The following ZBTB8A variants were observed in gnomAD, a reference collection of about 807,000 sequenced individuals.
ZBTB8A encodes the protein zinc finger and BTB domain-containing protein 8A.
Under a neutral mutation model 37.8 loss-of-function variants are expected in ZBTB8A, and 19 were observed. That is an observed-to-expected ratio of 0.50 (90% CI 0.35 to 0.74). The LOEUF is 0.74. ZBTB8A is among the 30% of genes least tolerant of loss of function. ZBTB8A has a pLI of 0.01. For missense variants in ZBTB8A, 394 were observed against 537.8 expected, an observed-to-expected ratio of 0.73 and a Z score of 2.65; for synonymous variants, 181 against 185.2, an observed-to-expected ratio of 0.98 and a Z score of 0.19.
chr1:32,557,692 T>A (rs1032800233), intron 2 of ZBTB8A, among the ~76,000 whole-genome samples: 48 of 152,122 alleles, frequency 3.2e-4, no homozygotes, highest in Non-Finnish European at 5.7e-4. Flanking sequence ...CTCAAACTCC[T>A]GAGCTCAAAC....
At chr1:32,552,693 G>A (rs1010267097) in intron 1 of ZBTB8A, among the ~76,000 whole-genome samples, 4 of 151,558 alleles carry the variant, frequency 2.6e-5, no homozygotes, top group Non-Finnish European at 4.4e-5. Flanking sequence ...ACGAAAAAAA[G>A]GATTGCTTTT....
Position 32,593,451 on chromosome 1 carries a change from A to G in ZBTB8A, c.520A>G (p.Ile174Val), listed in dbSNP as rs1315078364. The G allele has an allele frequency of 1.1e-5, 18 of 1,613,892 alleles. No individual in the cohort carries two copies. Among genetic ancestry groups the G allele is most frequent in the Admixed American group, 1.7e-5 (1 of 59,990 alleles). Residue 174 changes from isoleucine to valine, a missense_variant, in exon 3 of 5, where the codon ATA becomes GTA. By Grantham distance (29) the Ile-to-Val change is conservative. Coordinates refer to ENST00000373510, the MANE Select transcript of ZBTB8A (RefSeq NM_001040441.3). ...SHLSPEQGTG[I>V]ISGKSWNKYN... Reference sequence around the variant, plus strand: ...CCTAAGCCCAGAGCAAGGAACAGGTATAATAAGTGGAAAATCTTGGAATAA... The same window carrying G: ...CCTAAGCCCAGAGCAAGGAACAGGTGTAATAAGTGGAAAATCTTGGAATAA...
chr1:32,591,631 G>A (rs1323503113), intron 2 of ZBTB8A, among the ~76,000 whole-genome samples: 3 of 152,086 alleles, frequency 2.0e-5, no homozygotes, highest in African/African-American at 7.2e-5. Context: ...GAAGATGCTT[G>A]GCTGGATGCA....
chr1:32,554,460 T>TTTTA (rs140709969), intron 2 of ZBTB8A, among the ~76,000 whole-genome samples: 1,891 of 134,920 alleles, frequency 0.014, 19 homozygotes, highest in East Asian at 0.036. Context: ...CATTTTAATC[T>TTTTA]TTTATTTATT....
In ZBTB8A at chr1:32,567,249, C is replaced by A. The variant is rs187303095; in HGVS notation, c.-2+13709C>A. Reference sequence around the variant, plus strand: ...GCTACACACTTTTAAACAACCAGATCTCGTAAGAACTCACAATCACAAGAA... The same window carrying A: ...GCTACACACTTTTAAACAACCAGATATCGTAAGAACTCACAATCACAAGAA... On this transcript the variant is annotated intron_variant, in intron 2 of 4. Transcript: ENST00000373510. Among the ~76,000 whole-genome samples, 644 of 152,160 alleles carry A rather than the reference C, an allele frequency of 4.2e-3. 5 individuals are homozygous for A. Among genetic ancestry groups the A allele is most frequent in the African/African-American group, 0.014 (575 of 41,500 alleles).
At position 32,555,918 on chromosome 1, in the gene ZBTB8A, AT is replaced by A. The variant is rs548903481; in HGVS notation, c.-2+2390del. The stretch of plus-strand genomic sequence containing the variant: ...TAAAAAAAAATTTAATTTTAATTTA[AT>A]TTTTTTTTTTTGAGACACTTGTCTG... On this transcript the variant is annotated intron_variant, in intron 2 of 4. Transcript: ENST00000373510. 2.3e-3 allele frequency among the ~76,000 whole-genome samples: 335 copies of A among 147,610 alleles called. 1 individual carries two copies. Among genetic ancestry groups the A allele is most frequent in the African/African-American group, 5.8e-3 (235 of 40,524 alleles).
At chr1:32,552,642 G>C (rs1297723303) in intron 1 of ZBTB8A, among the ~76,000 whole-genome samples, 2 of 151,918 alleles carry the variant, frequency 1.3e-5, no homozygotes, top group Non-Finnish European at 2.9e-5. Flanking sequence ...CTCCAGCCTG[G>C]GCGACAGAGT....
At chr1:32,598,223 ATTTTTTTTTTTT>A (rs762801492) in intron 4 of ZBTB8A, among the ~76,000 whole-genome samples, 63 of 86,024 alleles carry the variant, frequency 7.3e-4, no homozygotes, top group African/African-American at 3.0e-3. Context: ...GCTTTCTTGG[ATTTTTTTTTTTT>A]TTTTTTTTTT....
chr1:32,600,205 A>T lies in ZBTB8A; in HGVS notation c.1112A>T (p.Glu371Val), dbSNP rs763648843. ...RYRLCNECLA[E>V]FGIDSLPIDL... ...AGACTGTGTAATGAGTGTCTTGCAGAATTTGGCATAGACAGCCTCCCCATT... is the reference window on the plus strand; with the variant it reads ...AGACTGTGTAATGAGTGTCTTGCAGTATTTGGCATAGACAGCCTCCCCATT... The change falls in exon 5 of 5, where the codon GAA (glutamate) becomes GTA (valine). Residue 371 changes from glutamate to valine, a missense_variant. By Grantham distance (121) the Glu-to-Val change is moderately radical (BLOSUM62 -2). Around this residue, in one of 4 missense-constraint regions of ZBTB8A, gnomAD observed 85 missense variants for 89.0 expected, o/e 0.95. Coordinates refer to ENST00000373510, the MANE Select transcript of ZBTB8A (RefSeq NM_001040441.3). The T allele has an allele frequency of 2.5e-6, 4 of 1,614,076 alleles. No individual in the cohort carries two copies. Among genetic ancestry groups the T allele is most frequent in the Non-Finnish European group, 3.4e-6 (4 of 1,180,034 alleles).
At chr1:32,566,231 C>T (rs569679399) in intron 2 of ZBTB8A, among the ~76,000 whole-genome samples, 2 of 141,062 alleles carry the variant, frequency 1.4e-5, no homozygotes, top group African/African-American at 5.3e-5. Flanking sequence ...AATAATTCTA[C>T]AGCTGGGCGC....
At chr1:32,578,295 T>C (rs1644378778) in intron 2 of ZBTB8A, among the ~76,000 whole-genome samples, 1 of 151,472 alleles carries the variant, frequency 6.6e-6, no homozygotes, top group Admixed American at 6.6e-5. Flanking sequence ...CAGGCTGGTC[T>C]CAAACTCCTG....
chr1:32,553,979 C>T (rs1045767010), intron 2 of ZBTB8A, among the ~76,000 whole-genome samples: 44 of 151,358 alleles, frequency 2.9e-4, no homozygotes, highest in African/African-American at 1.1e-3. Context: ...GCAGGAGGAT[C>T]ACCTGAAGTC....
rs1026336383 is a variant in ZBTB8A, at chr1:32,603,293, C to G, written c.*2874C>G. 6.6e-6 allele frequency: 1 copy of G among 152,260 alleles called. No individual in the cohort carries two copies. The highest frequency in any genetic ancestry group is 1.5e-5 in the Non-Finnish European group (1 of 68,112). The allele number at this position is 152,260 out of a possible 1,614,324, so 9.4% of individuals were successfully genotyped here. A position where few individuals can be genotyped will look rare whatever the true frequency, so the allele number is the denominator to read the frequency against. ...TACAGGCATGTGCCACCATGCCTGG[C>G]TAATTTTTGTATTTTTAGTAGAGAC... is the stretch of plus-strand genomic sequence containing the variant. On this transcript the variant is annotated 3_prime_UTR_variant, in exon 5 of 5. Transcript: ENST00000373510.
At chr1:32,577,021 C>T (rs936198771) in intron 2 of ZBTB8A, among the ~76,000 whole-genome samples, 1 of 148,582 alleles carries the variant, frequency 6.7e-6, no homozygotes, top group Admixed American at 6.8e-5. Context: ...TACAGGTGTG[C>T]ACCATGACAC....
chr1:32,599,869 T>G (rs1370610210), intron 4 of ZBTB8A, among the ~76,000 whole-genome samples: 1 of 152,174 alleles, frequency 6.6e-6, no homozygotes, highest in Admixed American at 6.5e-5. Flanking sequence ...ATATTAATAA[T>G]AAAAAACATG....
At chr1:32,562,829 C>T (rs1644253918) in intron 2 of ZBTB8A, among the ~76,000 whole-genome samples, 1 of 151,820 alleles carries the variant, frequency 6.6e-6, no homozygotes, top group East Asian at 1.9e-4. Flanking sequence ...GTGATCCACC[C>T]ACCTCAGCTT....
At chr1:32,567,791 CAAAAAAAAAAAAA>C (rs1214976482) in intron 2 of ZBTB8A, among the ~76,000 whole-genome samples, 2 of 6,424 alleles carry the variant, frequency 3.1e-4, no homozygotes, top group Non-Finnish European at 5.4e-4. Context: ...GATTCTGTCT[CAAAAAAAAAAAAA>C]AAAAAAAAAA....
chr1:32,605,927 A>G lies in ZBTB8A; in HGVS notation c.*5508A>G, dbSNP rs1331343817. 1 of 152,122 alleles carries G rather than the reference A, an allele frequency of 6.6e-6. No individual in the cohort carries two copies. The highest frequency in any genetic ancestry group is 2.4e-5 in the African/African-American group (1 of 41,412). 9.4% of individuals were successfully genotyped at this position (152,122 alleles called of 1,614,324 possible). The stretch of plus-strand genomic sequence containing the variant: ...TGTGGATACATTCTATATGGAATAA[A>G]TGTTATGTAAAGGATGTGACTTTAG... On this transcript the variant is annotated 3_prime_UTR_variant, in exon 5 of 5. Transcript: ENST00000373510.
chr1:32,597,845 G>A lies in ZBTB8A; in HGVS notation c.994-2242G>A, dbSNP rs1226009427. 2.0e-5 allele frequency among the ~76,000 whole-genome samples: 3 copies of A among 152,100 alleles called. No individual in the cohort carries two copies. In the East Asian group the frequency reaches 5.8e-4, roughly 29 times the overall value. ...GCTTACCACAACCTCCACCTGCTGG[G>A]TTCAAGTGATTCTCCTGCCTTGGCC... On this transcript the variant is annotated intron_variant, in intron 4 of 4. Coordinates refer to ENST00000373510, the MANE Select transcript of ZBTB8A (RefSeq NM_001040441.3).
Sources: allele counts gnomAD v4.1 joint callset (sites outside exome capture counted in the v4.1 genomes callset), GRCh38; gene constraint gnomAD v4.1.1; regional missense constraint gnomAD v4.1.1; transcripts MANE v1.5; gene names NCBI Gene and HGNC (gene_info 2026-07-23, HGNC 2026-07-21).